Variants in SASH1 observed in about 807,000 individuals in gnomAD.
SASH1 encodes SAM and SH3 domain-containing protein 1.
A neutral mutation model predicts 125.2 loss-of-function variants in SASH1; 44 were observed. The ratio of observed to expected loss-of-function variants is 0.35; its 90% CI spans 0.28 to 0.45. The LOEUF is 0.45. SASH1 is among the 20% of genes least tolerant of loss of function. SASH1 has a pLI of 1.00. For synonymous variants in SASH1, 639 were observed against 649.1 expected (o/e 0.98, Z 0.24); for missense variants, 1,426 against 1,614.5 (o/e 0.88, Z 2.00).
chr6:148,381,178 C>T (rs191293225), intron 1 of SASH1, among the ~76,000 whole-genome samples: 1 of 152,280 alleles, frequency 6.6e-6, no homozygotes, highest in Non-Finnish European at 1.5e-5. Context: ...ATTAGAGCTG[C>T]TCCTCTGCCT....
chr6:148,453,518 T>A (rs530931653), intron 4 of SASH1, among the ~76,000 whole-genome samples: 1 of 152,004 alleles, frequency 6.6e-6, no homozygotes, highest in Admixed American at 6.5e-5. Context: ...TCACAGACCT[T>A]GGGTAAGGCA....
intron 11 of SASH1, 27 bp downstream of exon 11, chr6:148,525,392 A>C: frequency 6.5e-7 from 1 of 1,540,980 alleles, no homozygotes; most frequent in Non-Finnish European, 9.0e-7. Flanking sequence ...GAAAGCAAAA[A>C]ATATGGATTC....
At chr6:148,212,887 T>G in the SASH1 span, among the ~76,000 whole-genome samples, 5 of 152,102 alleles carry the variant, frequency 3.3e-5, no homozygotes, top group Non-Finnish European at 7.4e-5. Flanking sequence ...TTGAACCCAG[T>G]TTCTGTGCCT....
the SASH1 span, among the ~76,000 whole-genome samples, chr6:148,238,513 C>T: frequency 2.0e-5 from 3 of 152,060 alleles, no homozygotes; most frequent in South Asian, 6.2e-4. Context: ...CGTGAGCCAC[C>T]GTGCCTGGAC....
In SASH1 at chr6:148,421,203, AAG is replaced by A. The variant is rs1287629785; in HGVS notation, c.286-18979_286-18978del. Among the ~76,000 whole-genome samples, 22 of 141,300 alleles carry A rather than the reference AAG, an allele frequency of 1.6e-4. No individual in the cohort carries two copies. In the East Asian group the frequency reaches 3.9e-3, roughly 25 times the overall value. 92.7% of individuals were successfully genotyped at this position (141,300 alleles called of 152,430 possible). ...AAAGAAAGAAAGAAAGAAAGAAAGA[AAG>A]AAAGAAAGAAAAAGAAAGAAAGAAG... On this transcript the variant is annotated intron_variant, in intron 2 of 19. Coordinates refer to ENST00000367467, the MANE Select transcript of SASH1 (RefSeq NM_015278.5).
chr6:148,539,001 C>T (rs555971934), intron 16 of SASH1, among the ~76,000 whole-genome samples: 205 of 152,242 alleles, frequency 1.3e-3, no homozygotes, highest in African/African-American at 4.7e-3. Flanking sequence ...CTACAACATG[C>T]CGGGTGATGC....
intron 8 of SASH1, among the ~76,000 whole-genome samples, chr6:148,493,646 A>C (rs4897016): frequency 0.97 from 147,092 of 152,312 alleles, 71,049 homozygotes; most frequent in East Asian, 1. Context: ...TCCCCACCCC[A>C]ATCGCTGAAA....
intron 1 of SASH1, among the ~76,000 whole-genome samples, chr6:148,381,543 T>C (rs4897003): frequency 0.03 from 4,483 of 150,886 alleles, 221 homozygotes; most frequent in East Asian, 0.19. Context: ...GCAGTGGGGT[T>C]CTAAAATAGA....
Position 148,544,612 on chromosome 6 carries a change from G to T in SASH1, c.3142G>T (p.Ala1048Ser). 6.2e-7 allele frequency: 1 copy of T among 1,613,288 alleles called. No homozygotes were observed. The highest frequency in any genetic ancestry group is 8.5e-7 in the Non-Finnish European group (1 of 1,179,876). Reference sequence around the variant, plus strand: ...GGCTCCCAGGCCTCTCTCAGGGCAGGCGCCTGGCAGCCCACCAAGCACAAG... The same window carrying T: ...GGCTCCCAGGCCTCTCTCAGGGCAGTCGCCTGGCAGCCCACCAAGCACAAG... ...ALAPRPLSGQ[A>S]PGSPPSTRPP... The change falls in exon 18 of 20, where the codon GCG becomes TCG. Residue 1048 changes from alanine to serine, a missense_variant. Physicochemically the swap from Ala to Ser is moderately conservative, Grantham distance 99. Around this residue, in one of 3 missense-constraint regions of SASH1, gnomAD observed 634 missense variants for 694.4 expected, o/e 0.91. Transcript: ENST00000367467. This position sits in a 1 kb window ranked among gnomAD's most constrained non-coding sequence, Gnocchi z 6.4.
At chr6:148,421,134 G>A (rs377380870) in intron 2 of SASH1, among the ~76,000 whole-genome samples, 6,240 of 95,126 alleles carry the variant, frequency 0.066, 303 homozygotes, top group Non-Finnish European at 0.091. Flanking sequence ...AGAAAGGAAG[G>A]AAGGAAGGAA....
At chr6:148,398,880 CCT>C (rs1313336052) in intron 2 of SASH1, among the ~76,000 whole-genome samples, 1 of 152,168 alleles carries the variant, frequency 6.6e-6, no homozygotes, top group Non-Finnish European at 1.5e-5. Context: ...TGTGCTCTGG[CCT>C]CTCTCAGACA....
In SASH1 at chr6:148,393,647, T is replaced by C. The variant is rs527491530; in HGVS notation, c.285+3385T>C. On this transcript the variant is annotated intron_variant, in intron 2 of 19. Transcript: ENST00000367467. ...GATTTATTATTTAGATAATAAAACC[T>C]CCTTCTCATTCAAACAGATGGGGCT... The C allele has an allele frequency of 1.2e-5, 11 of 927,696 alleles. No individual in the cohort carries two copies. In the African/African-American group the frequency reaches 1.8e-4, roughly 15 times the overall value. 57.5% of individuals were successfully genotyped at this position (927,696 alleles called of 1,614,324 possible).
chr6:148,280,067 A>C (rs1230850130), intron 1 of SASH1, among the ~76,000 whole-genome samples: 9 of 69,818 alleles, frequency 1.3e-4, no homozygotes, highest in African/African-American at 5.1e-4. Context: ...ATTCCCCCCC[A>C]TCATTCCCCC....
intron 1 of SASH1, among the ~76,000 whole-genome samples, chr6:148,330,871 C>A (rs1287655667): frequency 2.6e-5 from 4 of 152,210 alleles, no homozygotes; most frequent in African/African-American, 9.7e-5. Context: ...CAGGTGTGAG[C>A]TACCGTGCCT....
intron 2 of SASH1, 99 bp downstream of exon 2, chr6:148,390,361 C>A: frequency 8.3e-7 from 1 of 1,205,954 alleles, no homozygotes; most frequent in Non-Finnish European, 1.2e-6. Context: ...CCTGGGGTAT[C>A]AATCTGTAGG....
chr6:148,265,053 T>G, the SASH1 span, among the ~76,000 whole-genome samples: 12 of 152,368 alleles, frequency 7.9e-5, no homozygotes, highest in Admixed American at 5.2e-4. Flanking sequence ...TTATTCTCTT[T>G]GTAGTATATA....
chr6:148,222,750 T>C, the SASH1 span, among the ~76,000 whole-genome samples: 6 of 151,338 alleles, frequency 4.0e-5, no homozygotes, highest in South Asian at 4.2e-4. Flanking sequence ...TTTTGTGTTT[T>C]AGGTTTTTTC....
chr6:148,466,856 C>A (rs1777859277), intron 4 of SASH1, among the ~76,000 whole-genome samples: 1 of 152,028 alleles, frequency 6.6e-6, no homozygotes, highest in South Asian at 2.1e-4. Context: ...CTCCCACTTT[C>A]TTGTCTTCCC....
At chr6:148,269,488 G>A (rs945266626), upstream of SASH1, among the ~76,000 whole-genome samples, 2 of 152,158 alleles carry the variant, frequency 1.3e-5, no homozygotes, top group African/African-American at 2.4e-5. Flanking sequence ...CCAGGCTCAA[G>A]CGATCCTCTC....
Sources: allele counts gnomAD v4.1 joint callset (sites outside exome capture counted in the v4.1 genomes callset), GRCh38; gene constraint gnomAD v4.1.1; regional missense constraint gnomAD v4.1.1; non-coding constraint Gnocchi (gnomAD v3.1); transcripts MANE v1.5; gene names NCBI Gene and HGNC (gene_info 2026-07-23, HGNC 2026-07-21).